Variants in C10orf90 observed in about 807,000 individuals in gnomAD.
The protein encoded by C10orf90 is (E2-independent) E3 ubiquitin-conjugating enzyme FATS.
In C10orf90, 56 loss-of-function variants were observed where a neutral mutation model predicts 62.5. The ratio of observed to expected loss-of-function variants is 0.90; its 90% CI spans 0.72 to 1.12. The LOEUF (loss-of-function observed/expected upper bound fraction) is 1.12, where lower values mean the gene tolerates loss of function less well. Among genes scored for constraint, C10orf90 ranks in the 50% most tolerant of loss-of-function variants. C10orf90 has a pLI of 0.00. For synonymous variants in C10orf90, 386 were observed against 340.4 expected, an observed-to-expected ratio of 1.13 and a Z score of -1.47; for missense variants, 970 against 880.4, an observed-to-expected ratio of 1.10 and a Z score of -1.29.
At chr10:126,582,430 C>T (rs1844772036) in intron 2 of C10orf90, among the ~76,000 whole-genome samples, 1 of 152,160 alleles carries the variant, frequency 6.6e-6, no homozygotes, top group African/African-American at 2.4e-5. Context: ...CTTATGAAGC[C>T]CGCATGGAAG....
intron 2 of C10orf90, among the ~76,000 whole-genome samples, chr10:126,594,315 GAT>G (rs1218330338): frequency 3.3e-5 from 5 of 152,014 alleles, no homozygotes; most frequent in Non-Finnish European, 7.4e-5. Context: ...ATGATTGTGT[GAT>G]ATATATGTAA....
At chr10:126,529,079 A>T (rs1864025833) in intron 2 of C10orf90, among the ~76,000 whole-genome samples, 2 of 152,230 alleles carry the variant, frequency 1.3e-5, no homozygotes, top group African/African-American at 4.8e-5. Flanking sequence ...AAAAATAATG[A>T]GGTGAGACTA....
intron 4 of C10orf90, among the ~76,000 whole-genome samples, chr10:126,480,342 C>A (rs979164085): frequency 6.6e-6 from 1 of 152,240 alleles, no homozygotes; most frequent in East Asian, 1.9e-4. Flanking sequence ...TGCTTTGTCT[C>A]ATGTAAATAT....
intron 3 of C10orf90, among the ~76,000 whole-genome samples, chr10:126,513,306 A>G (rs1863244856): frequency 6.6e-6 from 1 of 152,226 alleles, no homozygotes; most frequent in Non-Finnish European, 1.5e-5. Context: ...TATTAATATA[A>G]GAGCAGTACC....
chr10:126,664,238 A>G (rs1384180841), intron 1 of C10orf90, among the ~76,000 whole-genome samples: 1 of 152,118 alleles, frequency 6.6e-6, no homozygotes, highest in Non-Finnish European at 1.5e-5. Flanking sequence ...GAAGCAGGGA[A>G]AGGAAGTGTT....
intron 3 of C10orf90, among the ~76,000 whole-genome samples, chr10:126,507,174 G>A (rs145110810): frequency 0.024 from 3,654 of 152,056 alleles, 72 homozygotes; most frequent in Middle Eastern, 0.051. Flanking sequence ...TGGCTAACAC[G>A]GTGAAACTCT....
intron 4 of C10orf90, among the ~76,000 whole-genome samples, chr10:126,470,447 AG>A (rs1354127593): frequency 6.6e-6 from 1 of 152,222 alleles, no homozygotes; most frequent in Non-Finnish European, 1.5e-5. Flanking sequence ...AAAAAACAAG[AG>A]GTTGAGCATG....
At chr10:126,533,537 T>C (rs1277165278) in intron 2 of C10orf90, among the ~76,000 whole-genome samples, 1 of 152,178 alleles carries the variant, frequency 6.6e-6, no homozygotes, top group Admixed American at 6.5e-5. Flanking sequence ...TCAGGGCACA[T>C]TGTATTGTAG....
At chr10:126,446,571 CA>C (rs879463844) in intron 7 of C10orf90, among the ~76,000 whole-genome samples, 1 of 151,400 alleles carries the variant, frequency 6.6e-6, no homozygotes, top group Non-Finnish European at 1.5e-5. Flanking sequence ...AAGGCTTTGT[CA>C]AAAAAAACAA....
At chr10:126,524,621 G>C in intron 2 of C10orf90, 1 of 984,942 alleles carries the variant, frequency 1.0e-6, no homozygotes, top group Non-Finnish European at 1.2e-6. Context: ...TGATATGCTG[G>C]GAGGGGTCCA....
chr10:126,432,114 A>G (rs906679534), intron 7 of C10orf90, among the ~76,000 whole-genome samples: 2 of 152,234 alleles, frequency 1.3e-5, no homozygotes, highest in African/African-American at 4.8e-5. Flanking sequence ...TCTGATAAAT[A>G]GCAGGGTCTT....
At chr10:126,578,397 A>G (rs941143491) in intron 2 of C10orf90, among the ~76,000 whole-genome samples, 2 of 152,216 alleles carry the variant, frequency 1.3e-5, no homozygotes, top group Non-Finnish European at 2.9e-5. Context: ...AACCACATTA[A>G]TCATCAGGGC....
chr10:126,492,464 T>G (rs531928154), intron 4 of C10orf90, among the ~76,000 whole-genome samples: 3 of 152,258 alleles, frequency 2.0e-5, no homozygotes, highest in Non-Finnish European at 4.4e-5. Flanking sequence ...TGCATGGGAA[T>G]GCTTTCTACT....
At chr10:126,614,963 T>G (rs577240946) in intron 2 of C10orf90, among the ~76,000 whole-genome samples, 1 of 152,286 alleles carries the variant, frequency 6.6e-6, no homozygotes, top group African/African-American at 2.4e-5. Context: ...TTCTCATCAT[T>G]TTGTACGTTA....
At chr10:126,539,528 T>C (rs1864326689) in intron 2 of C10orf90, among the ~76,000 whole-genome samples, 1 of 152,174 alleles carries the variant, frequency 6.6e-6, no homozygotes, top group African/African-American at 2.4e-5. Flanking sequence ...TAGTGATTCT[T>C]CTATTCACAC....
intron 2 of C10orf90, among the ~76,000 whole-genome samples, chr10:126,571,706 G>T (rs945022790): frequency 1.1e-4 from 16 of 152,094 alleles, no homozygotes; most frequent in African/African-American, 3.9e-4. Context: ...CCACCCACTG[G>T]GGTTGACTTT....
At chr10:126,631,283 AC>A (rs1845845789) in intron 2 of C10orf90, among the ~76,000 whole-genome samples, 1 of 151,736 alleles carries the variant, frequency 6.6e-6, no homozygotes, top group Admixed American at 6.6e-5. Flanking sequence ...CCTACTACTC[AC>A]GCCATTTCTT....
intron 3 of C10orf90, 102 bp downstream of exon 3, chr10:126,513,746 T>C: frequency 1.4e-6 from 1 of 709,618 alleles, no homozygotes; most frequent in Non-Finnish European, 2.4e-6. Context: ...CAATTTTGAC[T>C]AAATAAAATA....
At chr10:126,507,498 T>A (rs561357975) in intron 3 of C10orf90, among the ~76,000 whole-genome samples, 1 of 140,164 alleles carries the variant, frequency 7.1e-6, no homozygotes, top group African/African-American at 2.7e-5. Flanking sequence ...GCTACTTTTT[T>A]CCAAAAAAAA....
Sources: allele counts gnomAD v4.1 joint callset (sites outside exome capture counted in the v4.1 genomes callset), GRCh38; gene constraint gnomAD v4.1.1; transcripts MANE v1.5; gene names NCBI Gene and HGNC (gene_info 2026-07-23, HGNC 2026-07-21).